NRG1: variants seen among roughly 807,000 people sequenced by gnomAD.
NRG1 encodes the protein pro-neuregulin-1, membrane-bound isoform.
A neutral mutation model predicts 63.8 loss-of-function variants in NRG1; 18 were observed. The ratio of observed to expected loss-of-function variants is 0.28; its 90% CI spans 0.19 to 0.42. The LOEUF (loss-of-function observed/expected upper bound fraction) is 0.42. Ranked by LOEUF, NRG1 falls within the 10% of genes least tolerant of loss-of-function variation. NRG1 has a pLI of 1.00. For synonymous variants in NRG1, 302 were observed against 301.3 expected (o/e 1.00, Z -0.02); for missense variants, 762 against 814.7 (o/e 0.94, Z 0.79).
intron 1 of NRG1, among the ~76,000 whole-genome samples, chr8:31,803,830 C>CTAT (rs1822023393): frequency 1.3e-5 from 2 of 152,156 alleles, no homozygotes; most frequent in African/African-American, 4.8e-5. Flanking sequence ...CCCTTGTGTG[C>CTAT]TATGCTGCAG....
intron 1 of NRG1, among the ~76,000 whole-genome samples, chr8:31,891,416 G>A (rs886408499): frequency 6.6e-6 from 1 of 152,116 alleles, no homozygotes; most frequent in Non-Finnish European, 1.5e-5. Flanking sequence ...TTAAGAAAAT[G>A]CAAATTAAAA....
chr8:31,756,424 C>G (rs1272777357), intron 1 of NRG1, among the ~76,000 whole-genome samples: 1 of 152,034 alleles, frequency 6.6e-6, no homozygotes, highest in African/African-American at 2.4e-5. Context: ...TGAAGTCAAC[C>G]TCCTGGACAC....
chr8:32,647,997 G>A (rs1158134491), intron 5 of NRG1: 4 of 1,614,094 alleles, frequency 2.5e-6, no homozygotes, highest in Admixed American at 3.3e-5. Flanking sequence ...CTGCATCGCC[G>A]GCCTCAAGTG....
chr8:32,605,657 C>T (rs750894809), exon 3 of NRG1: 8 of 1,613,158 alleles, frequency 5.0e-6, no homozygotes, highest in Non-Finnish European at 6.8e-6. Context: ...AGTGCCTCTG[C>T]CAATATCACC....
At chr8:31,676,979 T>A (rs1172528995) in intron 1 of NRG1, among the ~76,000 whole-genome samples, 1 of 152,182 alleles carries the variant, frequency 6.6e-6, no homozygotes, top group Non-Finnish European at 1.5e-5. Context: ...ACCCTAGTCA[T>A]TGCCTGCACA....
At chr8:31,905,116 A>C (rs1342756598) in intron 1 of NRG1, among the ~76,000 whole-genome samples, 3 of 152,138 alleles carry the variant, frequency 2.0e-5, no homozygotes, top group African/African-American at 4.8e-5. Context: ...GAGAAGACCC[A>C]TAGGACAGTA....
chr8:32,460,801 C>CT (rs886211269), intron 1 of NRG1, among the ~76,000 whole-genome samples: 210 of 151,202 alleles, frequency 1.4e-3, no homozygotes, highest in East Asian at 6.6e-3. Flanking sequence ...TATTTTACTG[C>CT]TTTTTTTTTG....
Position 32,479,582 on chromosome 8 carries a change from G to A in NRG1, c.38-116246G>A, listed in dbSNP as rs369794322. On this transcript the variant is annotated intron_variant, in intron 1 of 10. Coordinates refer to the NRG1 transcript ENST00000519301. ...TAGAGTAAAGGGGCTTAGTGCAAAT[G>A]TCTGGTCAGATACTCAAAGGTTTAG... 1.8e-4 allele frequency among the ~76,000 whole-genome samples: 27 copies of A among 152,234 alleles called. 1 individual carries two copies. Among genetic ancestry groups the A allele is most frequent in the East Asian group, 1.2e-3 (6 of 5,188 alleles).
chr8:32,083,245 A>G (rs1405586771), intron 1 of NRG1, among the ~76,000 whole-genome samples: 2 of 152,238 alleles, frequency 1.3e-5, no homozygotes. Context: ...TAGGAAACAG[A>G]AAATTCCTGA....
chr8:31,841,143 T>C (rs944125039), intron 1 of NRG1, among the ~76,000 whole-genome samples: 1 of 151,920 alleles, frequency 6.6e-6, no homozygotes, highest in East Asian at 1.9e-4. Context: ...TCAAAAGAAT[T>C]ACTGAGGGTT....
rs138622722 is a variant in NRG1 at position 32,699,079 on chromosome 8, A to G, written c.503-28870A>G. 1.4e-3 allele frequency among the ~76,000 whole-genome samples: 206 copies of G among 152,352 alleles called. 1 individual carries two copies. The highest frequency in any genetic ancestry group is 4.7e-3 in the African/African-American group (196 of 41,588). On this transcript the variant is annotated intron_variant, in intron 5 of 11. Coordinates refer to ENST00000356819, the Ensembl canonical transcript of NRG1. ...AGCTAACCCAAAGTTATTTTGCCAC[A>G]TATACTTAGGTGTCTTAAATAAATA...
intron 1 of NRG1, among the ~76,000 whole-genome samples, chr8:31,723,332 A>G (rs1192991304): frequency 6.6e-6 from 1 of 152,204 alleles, no homozygotes; most frequent in Non-Finnish European, 1.5e-5. Flanking sequence ...ATCAGTGAGC[A>G]GGGTGAGAAA....
intron 1 of NRG1, among the ~76,000 whole-genome samples, chr8:32,208,924 G>A (rs79100005): frequency 0.042 from 6,353 of 152,138 alleles, 201 homozygotes; most frequent in Middle Eastern, 0.092. Flanking sequence ...TTCCAATATT[G>A]TCCAAATTTT....
chr8:31,906,273 G>A (rs936908477), intron 1 of NRG1, among the ~76,000 whole-genome samples: 3 of 152,146 alleles, frequency 2.0e-5, no homozygotes, highest in Admixed American at 6.5e-5. Context: ...GGCTATTTAC[G>A]ACATGGCTTC....
chr8:32,095,945 G>A (rs1358666643), intron 1 of NRG1, among the ~76,000 whole-genome samples: 1 of 152,194 alleles, frequency 6.6e-6, no homozygotes, highest in African/African-American at 2.4e-5. Context: ...TATGTAGTTT[G>A]AATCTCCAGA....
At chr8:31,764,348 A>G (rs963538731) in intron 1 of NRG1, among the ~76,000 whole-genome samples, 1 of 152,174 alleles carries the variant, frequency 6.6e-6, no homozygotes, top group Non-Finnish European at 1.5e-5. Flanking sequence ...CATTTTCATC[A>G]CTACAAGAAT....
At chr8:32,525,829 T>C (rs905134202) in intron 1 of NRG1, among the ~76,000 whole-genome samples, 4 of 152,178 alleles carry the variant, frequency 2.6e-5, no homozygotes, top group African/African-American at 9.7e-5. Context: ...TTTTCTTCTT[T>C]ATAGGAGCAT....
chr8:31,904,901 A>T (rs1243803648), intron 1 of NRG1, among the ~76,000 whole-genome samples: 1 of 152,124 alleles, frequency 6.6e-6, no homozygotes, highest in Non-Finnish European at 1.5e-5. Flanking sequence ...GGATCAAAAA[A>T]CTACCTATCA....
intron 1 of NRG1, among the ~76,000 whole-genome samples, chr8:31,963,196 G>A (rs1805756914): frequency 6.6e-6 from 1 of 152,188 alleles, no homozygotes; most frequent in Non-Finnish European, 1.5e-5. Flanking sequence ...AGTACAGGCT[G>A]TGCCAATGAA....
Sources: allele counts gnomAD v4.1 joint callset (sites outside exome capture counted in the v4.1 genomes callset), GRCh38; gene constraint gnomAD v4.1.1; transcripts MANE v1.5; gene names NCBI Gene and HGNC (gene_info 2026-07-23, HGNC 2026-07-21).